DYNLRB2: variants seen among roughly 807,000 people sequenced by gnomAD.
DYNLRB2 encodes the protein bithoraxoid-like protein.
A neutral mutation model predicts 12.6 loss-of-function variants in DYNLRB2; 14 were observed. The observed-to-expected ratio is 1.11, with a 90% CI of 0.73 to 1.73. DYNLRB2 has a LOEUF of 1.73. Ranked by LOEUF, DYNLRB2 falls within the 40% of genes most tolerant of loss-of-function variation. DYNLRB2 has a pLI of 0.00. For missense variants in DYNLRB2, 142 were observed against 117.7 expected, an observed-to-expected ratio of 1.21 and a Z score of -0.95; for synonymous variants, 53 against 37.0, an observed-to-expected ratio of 1.43 and a Z score of -1.57.
chr16:80,550,388 A>T, intron 3 of DYNLRB2, 127 bp from the exon 4 acceptor site: 1 of 1,021,812 alleles, frequency 9.8e-7, no homozygotes, highest in Non-Finnish European at 1.5e-6. Flanking sequence ...ATACGTGCAG[A>T]TAGGGTGGGA....
chr16:80,545,252 G>A (rs1490097079), intron 2 of DYNLRB2, among the ~76,000 whole-genome samples: 1 of 152,048 alleles, frequency 6.6e-6, no homozygotes, highest in African/African-American at 2.4e-5. Context: ...AAATATCTAG[G>A]TATGAGGATA....
intron 2 of DYNLRB2, among the ~76,000 whole-genome samples, chr16:80,547,081 G>A (rs914637289): frequency 6.6e-6 from 1 of 152,116 alleles, no homozygotes; most frequent in Non-Finnish European, 1.5e-5. Flanking sequence ...TAAAAGATTG[G>A]GAACAGCCTA....
intron 2 of DYNLRB2, among the ~76,000 whole-genome samples, chr16:80,545,907 G>T (rs1904434408): frequency 6.6e-6 from 1 of 150,490 alleles, no homozygotes; most frequent in Admixed American, 6.6e-5. Context: ...CTGACCTTGT[G>T]ATCCACCCAC....
chr16:80,545,651 A>G (rs1904407365), intron 2 of DYNLRB2, among the ~76,000 whole-genome samples: 1 of 142,484 alleles, frequency 7.0e-6, no homozygotes, highest in East Asian at 2.1e-4. Flanking sequence ...TATTATTTTC[A>G]GTACCCATTA....
chr16:80,541,514 A>C (rs557418692), intron 1 of DYNLRB2: 2 of 471,760 alleles, frequency 4.2e-6, no homozygotes, highest in South Asian at 1.8e-4. Flanking sequence ...AAGGGAAGAT[A>C]CTGAGAAAGA....
rs151266109 is a variant in DYNLRB2 at position 80,548,039 on chromosome 16, T to G, written c.80-1445T>G. 706 of 321,838 alleles carry G rather than the reference T, an allele frequency of 2.2e-3. 5 individuals carry two copies. The highest frequency in any genetic ancestry group is 0.014 in the African/African-American group (621 of 45,246). The allele number at this position is 321,838 out of a possible 1,614,324, so 19.9% of individuals were successfully genotyped here. ...TAAGTTTGTAACACTCTTCCATTCT[T>G]GAAAGCGCTTGTCTCGTTTAATCGT... On this transcript the variant is annotated intron_variant, in intron 2 of 3. Transcript: ENST00000305904.
chr16:80,543,924 C>A (rs570147691), intron 2 of DYNLRB2, among the ~76,000 whole-genome samples: 1 of 152,302 alleles, frequency 6.6e-6, no homozygotes, highest in Admixed American at 6.5e-5. Flanking sequence ...TGTTAAGAAT[C>A]CACATCACAT....
At chr16:80,549,315 G>C in intron 2 of DYNLRB2, 169 bp from the exon 3 acceptor site, 1 of 613,324 alleles carries the variant, frequency 1.6e-6, no homozygotes, top group Non-Finnish European at 2.7e-6. Flanking sequence ...AAAAATCTAC[G>C]TAGCGACAAA....
chr16:80,544,297 C>T (rs554787639), intron 2 of DYNLRB2, among the ~76,000 whole-genome samples: 2 of 152,266 alleles, frequency 1.3e-5, no homozygotes, highest in African/African-American at 4.8e-5. Context: ...ATACCCAATA[C>T]TTGATAGTAA....
In DYNLRB2 at chr16:80,543,360, A is replaced by G; in HGVS notation, c.79+9A>G. 6.2e-7 allele frequency: 1 copy of G among 1,613,656 alleles called. No individual in the cohort carries two copies. Among genetic ancestry groups the G allele is most frequent in the South Asian group, 1.1e-5 (1 of 91,004 alleles). On this transcript the variant is annotated intron_variant, in intron 2 of 3. Transcript: ENST00000305904. Reference sequence around the variant, plus strand: ...GGTTGTAAATGCAGAAGGTAAATATATCACAGGCTGTCTTCTTGACACACA... The same window carrying G: ...GGTTGTAAATGCAGAAGGTAAATATGTCACAGGCTGTCTTCTTGACACACA...
intron 2 of DYNLRB2, among the ~76,000 whole-genome samples, chr16:80,544,492 C>T (rs543720788): frequency 6.6e-6 from 1 of 152,142 alleles, no homozygotes; most frequent in Non-Finnish European, 1.5e-5. Flanking sequence ...ACAAACTATG[C>T]GTAATATTTC....
chr16:80,543,404 G>A (rs566307552), intron 2 of DYNLRB2, 53 bp downstream of exon 2: 308 of 1,577,294 alleles, frequency 2.0e-4, no homozygotes, highest in Non-Finnish European at 3.0e-5. Context: ...CCAGGAACCT[G>A]TTTGCCGTGT....
chr16:80,546,006 A>G (rs1292893684), intron 2 of DYNLRB2, among the ~76,000 whole-genome samples: 2 of 152,140 alleles, frequency 1.3e-5, no homozygotes, highest in African/African-American at 4.8e-5. Context: ...CTCTAATAGG[A>G]TAAGTTTGTA....
rs757657496 is a variant in DYNLRB2, at chr16:80,549,625, A to G, written c.221A>G (p.Lys74Arg). 7.5e-6 allele frequency: 12 copies of G among 1,606,274 alleles called. No homozygotes were observed. The highest frequency in any genetic ancestry group is 1.0e-5 in the Non-Finnish European group (12 of 1,174,000). ...CTGACTTTTCTTAGGATCAGATCAA[A>G]GAAACATGAAATCATGGTAGCTCCA... Reference protein sequence around the residue: ...NDLTFLRIRSKKHEIMVAPDK... With the variant: ...NDLTFLRIRSRKHEIMVAPDK... Residue 74 changes from lysine (K) to arginine (R), a missense_variant, in exon 3 of 4, where the codon AAG becomes AGG. By Grantham distance (26) the Lys-to-Arg change is conservative. Transcript: ENST00000305904.
In DYNLRB2 at chr16:80,550,631, C is replaced by G. The variant is rs1381112184; in HGVS notation, c.*73C>G. ...TGGCTCTCTCATGAGTATTAAAATT[C>G]TATTTCAATCTAACTGACCCTTCAA... is the stretch of plus-strand genomic sequence containing the variant. On this transcript the variant is annotated 3_prime_UTR_variant, in exon 4 of 4. Transcript: ENST00000305904. 5 of 1,483,436 alleles carry G rather than the reference C, an allele frequency of 3.4e-6. No homozygotes were observed. In the African/African-American group the frequency reaches 4.2e-5, roughly 12 times the overall value. The allele number at this position is 1,483,436 out of a possible 1,614,324, so 91.9% of individuals were successfully genotyped here.
chr16:80,550,083 C>G (rs1336998465), intron 3 of DYNLRB2, among the ~76,000 whole-genome samples: 1 of 152,174 alleles, frequency 6.6e-6, no homozygotes. Flanking sequence ...CAGAAACACT[C>G]CTTTCCCTGA....
chr16:80,541,457 G>C, intron 1 of DYNLRB2: 1 of 924,376 alleles, frequency 1.1e-6, no homozygotes, highest in South Asian at 5.0e-5. Flanking sequence ...GACCCTTAGA[G>C]AGAAGGAAGA....
At chr16:80,545,377 T>G (rs958735167) in intron 2 of DYNLRB2, among the ~76,000 whole-genome samples, 1 of 152,126 alleles carries the variant, frequency 6.6e-6, no homozygotes, top group Admixed American at 6.6e-5. Context: ...TTGATGAACA[T>G]TACTCTATTT....
Position 80,543,272 on chromosome 16 carries a change from T to G in DYNLRB2, c.4-4T>G. ...TGGTTAATTATCTTCCTGGTCTCTTTCAGGCAGAGGTGGAGGAAACCTTAA... is the reference window on the plus strand; with the variant it reads ...TGGTTAATTATCTTCCTGGTCTCTTGCAGGCAGAGGTGGAGGAAACCTTAA... On this transcript the variant is annotated splice_region_variant and splice_polypyrimidine_tract_variant and intron_variant, in intron 1 of 3. Transcript: ENST00000305904. The G allele has an allele frequency of 6.2e-7, 1 of 1,613,944 alleles. No individual in the cohort carries two copies. The highest frequency in any genetic ancestry group is 8.5e-7 in the Non-Finnish European group (1 of 1,179,858).
Sources: gnomAD v4.1 joint callset for allele counts (sites outside exome capture counted in the v4.1 genomes callset) on GRCh38, gnomAD v4.1.1 for gene constraint, MANE v1.5 for transcripts, NCBI Gene and HGNC (gene_info 2026-07-23, HGNC 2026-07-21) for gene names.